Variants in CPQ observed in about 807,000 individuals in gnomAD.
The protein encoded by CPQ is carboxypeptidase Q, also known as Ser-Met dipeptidase.
In CPQ, 37 loss-of-function variants were observed where a neutral mutation model predicts 45.7. The ratio of observed to expected loss-of-function variants is 0.81; its 90% CI spans 0.62 to 1.07. The LOEUF (loss-of-function observed/expected upper bound fraction) is 1.07, where lower values mean the gene tolerates loss of function less well. Ranked by LOEUF, CPQ falls within the 50% of genes least tolerant of loss-of-function variation. The pLI is 0.00. For synonymous variants in CPQ, 186 were observed against 205.8 expected (o/e 0.90, Z 0.82); for missense variants, 537 against 572.9 (o/e 0.94, Z 0.64).
intron 1 of CPQ, among the ~76,000 whole-genome samples, chr8:96,665,692 G>A (rs988383772): frequency 7.2e-5 from 11 of 152,132 alleles, no homozygotes; most frequent in Admixed American, 6.5e-5. Flanking sequence ...GCTCTCCAGG[G>A]TTCAAATATG....
At chr8:97,034,987 G>A (rs1055869244) in intron 6 of CPQ, among the ~76,000 whole-genome samples, 12 of 151,746 alleles carry the variant, frequency 7.9e-5, no homozygotes, top group African/African-American at 2.9e-4. Context: ...CCGCCTCCCG[G>A]GTTCAAGCGA....
chr8:96,772,251 G>T (rs1389953019), intron 1 of CPQ, among the ~76,000 whole-genome samples: 1 of 152,024 alleles, frequency 6.6e-6, no homozygotes. Context: ...GAAGGGATGG[G>T]TTTGGGGGCT....
At chr8:96,925,939 T>C (rs1304581146) in intron 4 of CPQ, among the ~76,000 whole-genome samples, 12 of 152,056 alleles carry the variant, frequency 7.9e-5, no homozygotes, top group Admixed American at 6.5e-4. Flanking sequence ...CTGCCCGCCT[T>C]GGCCTCCCAA....
At chr8:96,737,622 A>T (rs536633600) in intron 1 of CPQ, among the ~76,000 whole-genome samples, 1 of 152,116 alleles carries the variant, frequency 6.6e-6, no homozygotes, top group African/African-American at 2.4e-5. Flanking sequence ...TTAAGGGTGG[A>T]TCTGCCTTCC....
At chr8:96,772,256 G>A (rs1810553030) in intron 1 of CPQ, among the ~76,000 whole-genome samples, 1 of 151,990 alleles carries the variant, frequency 6.6e-6, no homozygotes, top group African/African-American at 2.4e-5. Flanking sequence ...GATGGGTTTG[G>A]GGGCTACTTA....
At chr8:96,695,663 T>A (rs1361874459) in intron 1 of CPQ, among the ~76,000 whole-genome samples, 3 of 151,884 alleles carry the variant, frequency 2.0e-5, no homozygotes, top group Non-Finnish European at 4.4e-5. Context: ...AGGAAGACAT[T>A]TATGCAGCCA....
At chr8:96,770,057 T>G (rs1810520359) in intron 1 of CPQ, among the ~76,000 whole-genome samples, 1 of 152,180 alleles carries the variant, frequency 6.6e-6, no homozygotes, top group Admixed American at 6.6e-5. Flanking sequence ...GCTCAATTAA[T>G]TTTCTAAGAA....
intron 7 of CPQ, among the ~76,000 whole-genome samples, chr8:97,086,719 T>A (rs1005348322): frequency 6.6e-6 from 1 of 152,180 alleles, no homozygotes. Flanking sequence ...CCTCTTCAGT[T>A]TCTGCTTTGT....
At chr8:96,814,126 C>G (rs1811195352) in intron 2 of CPQ, among the ~76,000 whole-genome samples, 2 of 151,854 alleles carry the variant, frequency 1.3e-5, no homozygotes, top group South Asian at 4.2e-4. Flanking sequence ...TGTCCACTTA[C>G]CTAAATCAAG....
At chr8:96,760,783 A>T (rs1810391179) in intron 1 of CPQ, among the ~76,000 whole-genome samples, 1 of 152,228 alleles carries the variant, frequency 6.6e-6, no homozygotes, top group Admixed American at 6.5e-5. Flanking sequence ...CACATTGGTA[A>T]ACATCATAAT....
intron 4 of CPQ, among the ~76,000 whole-genome samples, chr8:96,936,521 T>G (rs546178310): frequency 5.9e-5 from 9 of 152,316 alleles, no homozygotes; most frequent in Non-Finnish European, 8.8e-5. Context: ...AAAGAATTCT[T>G]GAGATAATTC....
intron 1 of CPQ, among the ~76,000 whole-genome samples, chr8:96,717,744 G>C (rs1306979871): frequency 6.6e-6 from 1 of 152,126 alleles, no homozygotes; most frequent in African/African-American, 2.4e-5. Context: ...AGTCGTGGGC[G>C]CTGGGTCAGG....
rs1012007502 is a variant in CPQ at position 96,754,455 on chromosome 8, C to T, written c.-34-30409C>T. Among the ~76,000 whole-genome samples the T allele has an allele frequency of 3.9e-5, 6 of 151,942 alleles. No homozygotes were observed. In the East Asian group the frequency reaches 1.2e-3, roughly 29 times the overall value. ...TATTTTGTTATGAGGGTTATGTCAA[C>T]GTCATAAAGTGAGTTAGGATAGCTT... is the stretch of plus-strand genomic sequence containing the variant. On this transcript the variant is annotated intron_variant, in intron 1 of 7. Transcript: ENST00000220763.
In CPQ at chr8:96,966,065, G is replaced by T. The variant is rs776345537; in HGVS notation, c.961+19G>T. On this transcript the variant is annotated intron_variant, in intron 5 of 7. Transcript: ENST00000220763. Reference sequence around the variant, plus strand: ...GATCTTGGTAAATATTTAGAAAATTGTTAACTAATGTGTGAGGATCTCAGT... The same window carrying T: ...GATCTTGGTAAATATTTAGAAAATTTTTAACTAATGTGTGAGGATCTCAGT... 1 of 1,538,170 alleles carries T rather than the reference G, an allele frequency of 6.5e-7. No homozygotes were observed. The highest frequency in any genetic ancestry group is 9.0e-7 in the Non-Finnish European group (1 of 1,114,262).
intron 5 of CPQ, among the ~76,000 whole-genome samples, chr8:96,976,240 T>A (rs1813777864): frequency 2.4e-5 from 1 of 41,884 alleles, no homozygotes; most frequent in African/African-American, 9.6e-5. Flanking sequence ...CCTTTCACAA[T>A]AGCTGACAAA....
chr8:97,101,913 GCTCT>G (rs71512450), intron 7 of CPQ, among the ~76,000 whole-genome samples: 84,757 of 118,842 alleles, frequency 0.71, 30,517 homozygotes, highest in Non-Finnish European at 0.77. Flanking sequence ...TAGATTGGTG[GCTCT>G]CTCTCTCTCT....
chr8:96,747,372 G>A (rs1196496851), intron 1 of CPQ, among the ~76,000 whole-genome samples: 5 of 151,914 alleles, frequency 3.3e-5, no homozygotes, highest in Admixed American at 6.6e-5. Flanking sequence ...AGAGAAGTAT[G>A]GTTATTGAAT....
chr8:96,814,810 A>C (rs568527729), intron 2 of CPQ, among the ~76,000 whole-genome samples: 1 of 152,326 alleles, frequency 6.6e-6, no homozygotes, highest in Non-Finnish European at 1.5e-5. Context: ...TAGCCATACA[A>C]CAGAATAGTC....
intron 5 of CPQ, among the ~76,000 whole-genome samples, chr8:97,027,332 G>A (rs1809820804): frequency 6.6e-6 from 1 of 152,082 alleles, no homozygotes; most frequent in South Asian, 2.1e-4. Flanking sequence ...AAAGGCCTTT[G>A]GAAGAATTTC....
Sources: allele counts gnomAD v4.1 joint callset (sites outside exome capture counted in the v4.1 genomes callset), GRCh38; gene constraint gnomAD v4.1.1; transcripts MANE v1.5; gene names NCBI Gene and HGNC (gene_info 2026-07-23, HGNC 2026-07-21).